HNF4A: variants seen among roughly 807,000 people sequenced by gnomAD.
HNF4A encodes hepatocyte nuclear factor 4-alpha.
A neutral mutation model predicts 52.4 loss-of-function variants in HNF4A; 15 were observed. The observed-to-expected ratio is 0.29, with a 90% confidence interval of 0.19 to 0.44. The LOEUF (loss-of-function observed/expected upper bound fraction) is 0.44, where lower values mean the gene tolerates loss of function less well. Among genes scored for constraint, HNF4A ranks in the 20% least tolerant of loss-of-function variants. The pLI is 1.00. For synonymous variants in HNF4A, 280 were observed against 264.4 expected, an observed-to-expected ratio of 1.06 and a Z score of -0.57; for missense variants, 479 against 647.2, an observed-to-expected ratio of 0.74 and a Z score of 2.82.
chr20:44,370,184 C>T (rs1404083924), intron 1 of HNF4A, among the ~76,000 whole-genome samples: 1 of 152,202 alleles, frequency 6.6e-6, no homozygotes, highest in Non-Finnish European at 1.5e-5. Flanking sequence ...CCCGCCACTG[C>T]GCCCGGCTAA....
intron 1 of HNF4A, among the ~76,000 whole-genome samples, chr20:44,383,102 G>T (rs551087989): frequency 6.6e-6 from 1 of 152,224 alleles, no homozygotes; most frequent in South Asian, 2.1e-4. Flanking sequence ...CTGGAGACTT[G>T]GAGGCTGCAG....
At chr20:44,409,718 A>G (rs946639059) in intron 3 of HNF4A, among the ~76,000 whole-genome samples, 5 of 152,156 alleles carry the variant, frequency 3.3e-5, no homozygotes, top group African/African-American at 2.4e-5. Context: ...TTTCCCATCT[A>G]TAAAATGAGG....
intron 5 of HNF4A, among the ~76,000 whole-genome samples, 166 bp from the exon 6 acceptor site, chr20:44,418,259 C>A (rs982224595): frequency 2.0e-5 from 3 of 152,168 alleles, no homozygotes; most frequent in Non-Finnish European, 4.4e-5. Context: ...CTTTCCCCTT[C>A]CAGGTTTCTA....
intron 3 of HNF4A, among the ~76,000 whole-genome samples, chr20:44,410,728 C>T (rs532833803): frequency 6.6e-6 from 1 of 152,220 alleles, no homozygotes; most frequent in African/African-American, 2.4e-5. Flanking sequence ...CCCCACTTTA[C>T]AGAAGAGGAC....
chr20:44,428,466 C>T lies in HNF4A; in HGVS notation c.1261C>T (p.Pro421Ser). 6.2e-7 allele frequency: 1 copy of T among 1,614,098 alleles called. No individual in the cohort carries two copies. Among genetic ancestry groups the T allele is most frequent in the Non-Finnish European group, 8.5e-7 (1 of 1,180,010 alleles). ...CAGCAACGGACAGATGTGTGAGTGG[C>T]CCCGACCCAGGGGACAGGCAGGTGG... Residue 421 changes from proline to serine, a missense_variant, in exon 9 of 10, where the codon CCC becomes TCC. Physicochemically the swap from Pro to Ser is moderately conservative, Grantham distance 74. Around this residue, in one of 3 missense-constraint regions of HNF4A, gnomAD observed 389 missense variants for 525.1 expected, o/e 0.74. Transcript: ENST00000316099.
chr20:44,384,622 A>C (rs567457564), intron 1 of HNF4A: 3 of 152,318 alleles, frequency 2.0e-5, no homozygotes, highest in African/African-American at 7.2e-5. Flanking sequence ...ACTGGCCTTT[A>C]AAGCTTCTGC....
chr20:44,379,730 CTTTTTT>C lies in HNF4A; in HGVS notation c.49+23893_49+23898del, dbSNP rs33924202. Reference sequence around the variant, plus strand: ...TCACACCCGGATAATTTTTCTTTTCCTTTTTTTTTTTTTTTTTTTTTGAGACAGAGT... The same window carrying C: ...TCACACCCGGATAATTTTTCTTTTCCTTTTTTTTTTTTTTTGAGACAGAGT... On this transcript the variant is annotated intron_variant, in intron 1 of 9. Transcript: ENST00000316673. Among the ~76,000 whole-genome samples the C allele has an allele frequency of 3.2e-3, 353 of 109,552 alleles. 1 individual carries two copies. The highest frequency in any genetic ancestry group is 0.012 in the African/African-American group (321 of 27,400). The allele number at this position is 109,552 out of a possible 152,430, so 71.9% of individuals were successfully genotyped here.
In HNF4A at chr20:44,377,027, C is replaced by A. The variant is rs556612807; in HGVS notation, c.49+21174C>A. ...GCCAGCCTGGGCAACATGGTGAAAC[C>A]CTGTCTCTATCAAAAAATAAAATAA... On this transcript the variant is annotated intron_variant, in intron 1 of 9. Coordinates refer to the HNF4A transcript ENST00000316673. 1.1e-4 allele frequency among the ~76,000 whole-genome samples: 16 copies of A among 151,880 alleles called. 1 individual carries two copies. Among genetic ancestry groups the A allele is most frequent in the African/African-American group, 3.9e-4 (16 of 41,414 alleles).
intron 8 of HNF4A, among the ~76,000 whole-genome samples, chr20:44,426,336 G>C (rs2063814373): frequency 6.6e-6 from 1 of 152,188 alleles, no homozygotes; most frequent in Admixed American, 6.5e-5. Flanking sequence ...AGAGAGCTGG[G>C]AGAGTGGAAA....
chr20:44,378,904 G>C (rs751307647), intron 1 of HNF4A, among the ~76,000 whole-genome samples: 3 of 129,408 alleles, frequency 2.3e-5, no homozygotes, highest in African/African-American at 9.4e-5. Flanking sequence ...GGGCCACAGA[G>C]AGAGACCCCG....
At chr20:44,392,992 G>A (rs889026557) in intron 1 of HNF4A, among the ~76,000 whole-genome samples, 1 of 152,220 alleles carries the variant, frequency 6.6e-6, no homozygotes, top group Admixed American at 6.5e-5. Flanking sequence ...CAGTAACTCT[G>A]ATCTGAGCCT....
At chr20:44,368,259 TG>T (rs2062995011) in intron 1 of HNF4A, among the ~76,000 whole-genome samples, 1 of 144,284 alleles carries the variant, frequency 6.9e-6, no homozygotes, top group East Asian at 2.1e-4. Context: ...CTCCACCTCC[TG>T]GGTTCAAACA....
chr20:44,419,667 A>G, intron 6 of HNF4A, 54 bp from the exon 7 acceptor site: 1 of 1,579,102 alleles, frequency 6.3e-7, no homozygotes, highest in Non-Finnish European at 8.7e-7. Context: ...AAACTAGAGG[A>G]GAGGGGTCAA....
At chr20:44,403,082 C>A (rs2063433397) in intron 1 of HNF4A, among the ~76,000 whole-genome samples, 1 of 152,222 alleles carries the variant, frequency 6.6e-6, no homozygotes, top group Admixed American at 6.5e-5. Context: ...CAAGCTGCTG[C>A]TGCACTAGGT....
At chr20:44,414,744 C>T (rs1013575027) in intron 5 of HNF4A, 82 bp downstream of exon 5, 265 of 1,323,666 alleles carry the variant, frequency 2.0e-4, no homozygotes, top group Admixed American at 2.0e-4. Flanking sequence ...GGGATATAGC[C>T]GTGGACTGGC....
chr20:44,369,658 T>C (rs1429536812), intron 1 of HNF4A, among the ~76,000 whole-genome samples: 2 of 152,002 alleles, frequency 1.3e-5, no homozygotes, highest in African/African-American at 4.8e-5. Context: ...TGAGCTCTTT[T>C]TCTTTCTTTC....
At chr20:44,393,691 C>T (rs1271175761) in intron 1 of HNF4A, among the ~76,000 whole-genome samples, 1 of 152,192 alleles carries the variant, frequency 6.6e-6, no homozygotes, top group Non-Finnish European at 1.5e-5. Flanking sequence ...AAAACAGCTG[C>T]ATATCCAGTG....
chr20:44,355,888 G>C, intron 1 of HNF4A, 35 bp downstream of exon 1: 2 of 1,587,942 alleles, frequency 1.3e-6, no homozygotes, highest in Non-Finnish European at 1.7e-6. Context: ...GACAGGGCGG[G>C]ACTGCGGTCA....
intron 1 of HNF4A, among the ~76,000 whole-genome samples, chr20:44,403,378 G>C (rs529333215): frequency 6.6e-6 from 1 of 152,310 alleles, no homozygotes; most frequent in African/African-American, 2.4e-5. Flanking sequence ...TGTCTCCCAG[G>C]GCTGGCCAGA....
Sources: allele counts gnomAD v4.1 joint callset (sites outside exome capture counted in the v4.1 genomes callset), GRCh38; gene constraint gnomAD v4.1.1; regional missense constraint gnomAD v4.1.1; transcripts MANE v1.5; gene names NCBI Gene and HGNC (gene_info 2026-07-23, HGNC 2026-07-21).